Variants in GRID1 observed in about 807,000 individuals in gnomAD.
The protein encoded by GRID1 is glutamate ionotropic receptor delta type subunit 1, also known as glutamate receptor ionotropic, delta-1.
A neutral mutation model predicts 98.0 loss-of-function variants in GRID1; 28 were observed. The observed-to-expected ratio is 0.29, with a 90% confidence interval of 0.21 to 0.39. The LOEUF (loss-of-function observed/expected upper bound fraction) is 0.39, where lower values mean the gene tolerates loss of function less well. Among genes scored for constraint, GRID1 ranks in the 10% least tolerant of loss-of-function variants. The probability of loss-of-function intolerance (pLI) is 1.00; values close to 1 mark genes in which losing one functional copy is unlikely to be tolerated. For synonymous variants in GRID1, 553 were observed against 538.5 expected (o/e 1.03, Z -0.37); for missense variants, 1,111 against 1,340.5 (o/e 0.83, Z 2.67).
At chr10:85,676,150 C>T (rs1223880376) in intron 12 of GRID1, among the ~76,000 whole-genome samples, 1 of 152,148 alleles carries the variant, frequency 6.6e-6, no homozygotes, top group Non-Finnish European at 1.5e-5. Context: ...GTAGTGGATA[C>T]TTTTAGTGTT....
intron 2 of GRID1, among the ~76,000 whole-genome samples, chr10:86,342,087 T>C (rs905614172): frequency 6.6e-6 from 1 of 152,100 alleles, no homozygotes; most frequent in African/African-American, 2.4e-5. Context: ...CCGGGCCTCA[T>C]CCACCTCTGC....
intron 12 of GRID1, among the ~76,000 whole-genome samples, chr10:85,677,832 T>G (rs1397726193): frequency 6.6e-6 from 1 of 151,870 alleles, no homozygotes; most frequent in Non-Finnish European, 1.5e-5. Context: ...GCATGCACAA[T>G]GGGGGGAGGT....
intron 8 of GRID1, among the ~76,000 whole-genome samples, chr10:85,781,932 C>G (rs1006889097): frequency 6.6e-6 from 1 of 152,112 alleles, no homozygotes; most frequent in African/African-American, 2.4e-5. Flanking sequence ...ACAAGCTCTT[C>G]CAGACCTCAA....
chr10:86,115,506 C>T (rs1844563150), intron 4 of GRID1, among the ~76,000 whole-genome samples: 1 of 152,242 alleles, frequency 6.6e-6, no homozygotes, highest in African/African-American at 2.4e-5. Context: ...AAGTGCTCTA[C>T]ATGTCCTAAC....
Position 85,602,137 on chromosome 10 carries a change from T to C in GRID1, c.*136A>G. The C allele has an allele frequency of 1.8e-6, 1 of 550,418 alleles. No individual in the cohort carries two copies. Among genetic ancestry groups the C allele is most frequent in the Non-Finnish European group, 3.2e-6 (1 of 316,414 alleles). The allele number at this position is 550,418 out of a possible 1,614,324, so 34.1% of individuals were successfully genotyped here. On this transcript the variant is annotated 3_prime_UTR_variant, in exon 16 of 16. Coordinates refer to ENST00000327946, the MANE Select transcript of GRID1 (RefSeq NM_017551.3). ...TCCATTCTGTCATTATTTACACATA[T>C]GTACAAGAAAAATGAAAGAGTCTCT...
At chr10:85,632,837 A>T (rs1373961305) in intron 13 of GRID1, among the ~76,000 whole-genome samples, 5 of 152,216 alleles carry the variant, frequency 3.3e-5, no homozygotes, top group African/African-American at 1.2e-4. Context: ...TTACCTAGGT[A>T]TTAAGCCTCA....
chr10:86,093,492 A>C (rs2131939808), intron 4 of GRID1, among the ~76,000 whole-genome samples: 1 of 152,320 alleles, frequency 6.6e-6, no homozygotes, highest in East Asian at 1.9e-4. Flanking sequence ...AAATCTAAAT[A>C]ACCTCACTAA....
At chr10:86,064,437 T>C (rs1487147553) in intron 4 of GRID1, among the ~76,000 whole-genome samples, 3 of 152,214 alleles carry the variant, frequency 2.0e-5, no homozygotes, top group African/African-American at 7.2e-5. Flanking sequence ...GAAGCTGGCC[T>C]GGAAGGGATG....
At chr10:86,176,087 C>A (rs1273924635) in intron 3 of GRID1, among the ~76,000 whole-genome samples, 2 of 152,216 alleles carry the variant, frequency 1.3e-5, no homozygotes, top group Non-Finnish European at 2.9e-5. Flanking sequence ...TTGTGATCCG[C>A]CTGCCTCAGC....
At chr10:86,067,736 A>G (rs1843740999) in intron 4 of GRID1, among the ~76,000 whole-genome samples, 1 of 152,204 alleles carries the variant, frequency 6.6e-6, no homozygotes, top group African/African-American at 2.4e-5. Context: ...GGTGGCCCAC[A>G]GTCAGTGAGT....
In GRID1 at chr10:86,206,726, C is replaced by T; in HGVS notation, c.236-78G>A. 2 of 1,370,408 alleles carry T rather than the reference C, an allele frequency of 1.5e-6. No individual in the cohort carries two copies. The highest frequency in any genetic ancestry group is 2.0e-6 in the Non-Finnish European group (2 of 996,262). 84.9% of individuals were successfully genotyped at this position (1,370,408 alleles called of 1,614,324 possible). A position where few individuals can be genotyped will look rare whatever the true frequency, so the allele number is the denominator to read the frequency against. ...CCAGCTTCAACCTGCAGGCCCCATG[C>T]CTGGCAGCTCATGCCCAGGACTCCC... On this transcript the variant is annotated intron_variant, in intron 2 of 15. Transcript: ENST00000327946. This position sits in a 1 kb window ranked among gnomAD's most constrained non-coding sequence, Gnocchi z 4.1.
intron 5 of GRID1, among the ~76,000 whole-genome samples, chr10:85,886,903 T>G (rs1420905162): frequency 1.3e-5 from 2 of 152,258 alleles, no homozygotes; most frequent in Non-Finnish European, 1.5e-5. Flanking sequence ...TACAGGGCTA[T>G]GCAATCACAT....
At position 86,192,142 on chromosome 10, in the gene GRID1, C is replaced by T. The variant is rs1845811405; in HGVS notation, c.520+14222G>A. On this transcript the variant is annotated intron_variant, in intron 3 of 15. Transcript: ENST00000327946. This position sits in a 1 kb window ranked among gnomAD's most constrained non-coding sequence, Gnocchi z 4.8. Reference sequence around the variant, plus strand: ...CAGTGTGGCACAAAAATGCCCACCACACACAAACACATACAATCCCATTGC... The same window carrying T: ...CAGTGTGGCACAAAAATGCCCACCATACACAAACACATACAATCCCATTGC... 6.6e-6 allele frequency among the ~76,000 whole-genome samples: 1 copy of T among 152,086 alleles called. No homozygotes were observed. Among genetic ancestry groups the T allele is most frequent in the Non-Finnish European group, 1.5e-5 (1 of 68,018 alleles).
intron 3 of GRID1, among the ~76,000 whole-genome samples, chr10:86,198,703 G>A (rs1179343049): frequency 6.6e-6 from 1 of 152,206 alleles, no homozygotes; most frequent in Non-Finnish European, 1.5e-5. Context: ...CAAGAAGACT[G>A]CTCTGGAGCC....
chr10:86,102,968 A>G (rs1844320379), intron 4 of GRID1, among the ~76,000 whole-genome samples: 1 of 152,024 alleles, frequency 6.6e-6, no homozygotes, highest in Non-Finnish European at 1.5e-5. Context: ...TCCCCTGCAG[A>G]CGTTCTGTTG....
At chr10:86,203,767 T>C (rs1374769703) in intron 3 of GRID1, among the ~76,000 whole-genome samples, 1 of 151,880 alleles carries the variant, frequency 6.6e-6, no homozygotes, top group Non-Finnish European at 1.5e-5. Context: ...GGTTCTCCGC[T>C]CACCTCCACC....
At chr10:85,835,362 C>A (rs1193276113) in intron 8 of GRID1, among the ~76,000 whole-genome samples, 1 of 152,172 alleles carries the variant, frequency 6.6e-6, no homozygotes, top group African/African-American at 2.4e-5. Context: ...TTGTAATAAT[C>A]CCCACATGCC....
At chr10:85,979,071 G>T (rs1564640840) in intron 4 of GRID1, among the ~76,000 whole-genome samples, 2 of 152,068 alleles carry the variant, frequency 1.3e-5, no homozygotes, top group Non-Finnish European at 2.9e-5. Flanking sequence ...CTCTAAAAGG[G>T]GCCTGTGAGC....
At chr10:86,161,747 G>A (rs1845326444) in intron 3 of GRID1, among the ~76,000 whole-genome samples, 2 of 152,154 alleles carry the variant, frequency 1.3e-5, no homozygotes, top group African/African-American at 4.8e-5. Context: ...TGGCTGACTT[G>A]CCTGAGCCAC....
Sources: allele counts gnomAD v4.1 joint callset (sites outside exome capture counted in the v4.1 genomes callset), GRCh38; gene constraint gnomAD v4.1.1; non-coding constraint Gnocchi (gnomAD v3.1); transcripts MANE v1.5; gene names NCBI Gene and HGNC (gene_info 2026-07-23, HGNC 2026-07-21).